The following CXCL13 variants were observed in gnomAD, a reference collection of about 807,000 sequenced individuals.
CXCL13 encodes C-X-C motif chemokine 13.
A neutral mutation model predicts 12.2 loss-of-function variants in CXCL13; 7 were observed. The observed-to-expected ratio is 0.57, with a 90% CI of 0.33 to 1.07. CXCL13 has a LOEUF of 1.07. Among genes scored for constraint, CXCL13 ranks in the 50% least tolerant of loss-of-function variants. CXCL13 has a pLI of 0.04. For missense variants in CXCL13, 113 were observed against 127.4 expected (o/e 0.89, Z 0.55); for synonymous variants, 47 against 42.4 (o/e 1.11, Z -0.42).
chr4:77,544,380 C>T (rs1275346835), intron 1 of CXCL13, among the ~76,000 whole-genome samples: 1 of 152,148 alleles, frequency 6.6e-6, no homozygotes, highest in Non-Finnish European at 1.5e-5. Context: ...AAAAGTGTTC[C>T]TATTTCTCCA....
intron 1 of CXCL13, among the ~76,000 whole-genome samples, chr4:77,547,520 T>G (rs933284148): frequency 4.6e-5 from 7 of 152,206 alleles, no homozygotes; most frequent in African/African-American, 7.2e-5. Flanking sequence ...CTTTGTTGGT[T>G]TAAAGTCTGT....
At chr4:77,573,511 G>A (rs1726141669) in intron 1 of CXCL13, among the ~76,000 whole-genome samples, 1 of 151,388 alleles carries the variant, frequency 6.6e-6, no homozygotes, top group Non-Finnish European at 1.5e-5. Flanking sequence ...AATTAAAGAA[G>A]TCCAAGCATT....
chr4:77,584,796 G>C (rs934134184), intron 1 of CXCL13, among the ~76,000 whole-genome samples: 3 of 152,186 alleles, frequency 2.0e-5, no homozygotes, highest in African/African-American at 4.8e-5. Flanking sequence ...CGAGTGCTGG[G>C]AGAAAAGTTG....
At chr4:77,610,519 G>T in intron 2 of CXCL13, 95 bp from the exon 3 acceptor site, 2 of 997,632 alleles carry the variant, frequency 2.0e-6, no homozygotes, top group South Asian at 1.4e-5. Flanking sequence ...CTTCATCTAG[G>T]AATAATTATT....
At chr4:77,572,646 T>C (rs1726115343) in intron 1 of CXCL13, among the ~76,000 whole-genome samples, 1 of 151,854 alleles carries the variant, frequency 6.6e-6, no homozygotes, top group Admixed American at 6.6e-5. Context: ...TTAGGATAAA[T>C]TAGTTCAACC....
At chr4:77,565,909 A>C (rs1268419507) in intron 1 of CXCL13, among the ~76,000 whole-genome samples, 5 of 152,244 alleles carry the variant, frequency 3.3e-5, no homozygotes, top group Non-Finnish European at 7.3e-5. Flanking sequence ...AAGATGATAT[A>C]ATAGCTACAC....
chr4:77,549,199 G>A (rs1198669842), intron 1 of CXCL13, among the ~76,000 whole-genome samples: 7 of 152,108 alleles, frequency 4.6e-5, no homozygotes, highest in Non-Finnish European at 8.8e-5. Flanking sequence ...GGTCATTTAA[G>A]GTCTTCTCTA....
chr4:77,513,140 A>G (rs576937131), intron 1 of CXCL13, among the ~76,000 whole-genome samples: 4 of 152,080 alleles, frequency 2.6e-5, no homozygotes, highest in Admixed American at 1.3e-4. Flanking sequence ...CATATACACC[A>G]TGGTATTCCA....
At position 77,551,720 on chromosome 4, in the gene CXCL13, T is replaced by C. The variant is rs1578050097; in HGVS notation, c.-43+39932T>C. Among the ~76,000 whole-genome samples the C allele has an allele frequency of 2.6e-5, 4 of 152,338 alleles. No homozygotes were observed. The East Asian group carries it at 5.8e-4, about 22-fold the overall frequency. On this transcript the variant is annotated intron_variant, in intron 1 of 4. Coordinates refer to the CXCL13 transcript ENST00000286758. ...TTTTTTTCCATTTCTCTCAGGAATG[T>C]CAATAATTCATAAGCTTGGTTGCTA...
At chr4:77,574,458 T>G (rs1241546137) in intron 1 of CXCL13, among the ~76,000 whole-genome samples, 2 of 151,964 alleles carry the variant, frequency 1.3e-5, no homozygotes, top group African/African-American at 4.9e-5. Flanking sequence ...GAAATTACTT[T>G]GCATTATGAG....
At chr4:77,520,096 C>T (rs1289996203) in intron 1 of CXCL13, among the ~76,000 whole-genome samples, 4 of 152,248 alleles carry the variant, frequency 2.6e-5, no homozygotes, top group Non-Finnish European at 5.9e-5. Flanking sequence ...GTACCAGTAC[C>T]ATGCTGTTTT....
chr4:77,593,365 C>A (rs1175771489), intron 1 of CXCL13, among the ~76,000 whole-genome samples: 2 of 152,210 alleles, frequency 1.3e-5, no homozygotes, highest in Non-Finnish European at 2.9e-5. Flanking sequence ...ATCACATCAT[C>A]TCCCATATGT....
chr4:77,516,078 G>A lies in CXCL13; in HGVS notation c.-43+4290G>A, dbSNP rs147510764. Among the ~76,000 whole-genome samples, 699 of 152,232 alleles carry A rather than the reference G, an allele frequency of 4.6e-3. 16 individuals carry two copies. The highest frequency in any genetic ancestry group is 0.026 in the East Asian group (134 of 5,182). ...CTATTGAGATAATCATGTGGTTTTC[G>A]TCTTTGGTTCTGTTTATATGCTGGA... On this transcript the variant is annotated intron_variant, in intron 1 of 4. Transcript: ENST00000286758.
At chr4:77,608,380 C>A (rs1176153157) in intron 2 of CXCL13, among the ~76,000 whole-genome samples, 1 of 151,024 alleles carries the variant, frequency 6.6e-6, no homozygotes, top group Admixed American at 6.6e-5. Flanking sequence ...GCGGAGGTTG[C>A]GGTGAGCCGA....
chr4:77,530,925 T>C (rs531075703), intron 1 of CXCL13, among the ~76,000 whole-genome samples: 63 of 152,074 alleles, frequency 4.1e-4, no homozygotes, highest in African/African-American at 1.4e-3. Context: ...GCTATAAATT[T>C]CCCTCTACAC....
chr4:77,516,945 G>A (rs1309595659), intron 1 of CXCL13, among the ~76,000 whole-genome samples: 2 of 151,970 alleles, frequency 1.3e-5, no homozygotes, highest in Non-Finnish European at 2.9e-5. Context: ...TGGGCATTTA[G>A]TGCTATAAAT....
At chr4:77,603,204 A>G (rs1726930053), upstream of CXCL13, among the ~76,000 whole-genome samples, 1 of 152,220 alleles carries the variant, frequency 6.6e-6, no homozygotes, top group South Asian at 2.1e-4. Context: ...TTAGAGGTAA[A>G]TGTAAAACTT....
At chr4:77,553,066 G>A (rs1015423264) in intron 1 of CXCL13, among the ~76,000 whole-genome samples, 2 of 152,122 alleles carry the variant, frequency 1.3e-5, no homozygotes, top group Admixed American at 6.5e-5. Flanking sequence ...GTGGAAAGGG[G>A]CCCTACTGCA....
At chr4:77,512,654 T>TC (rs1724303934) in intron 1 of CXCL13, among the ~76,000 whole-genome samples, 1 of 152,168 alleles carries the variant, frequency 6.6e-6, no homozygotes, top group Admixed American at 6.6e-5. Flanking sequence ...CTTAATTGCC[T>TC]CTTTAAAAAC....
Sources: allele counts gnomAD v4.1 joint callset (sites outside exome capture counted in the v4.1 genomes callset), GRCh38; gene constraint gnomAD v4.1.1; transcripts MANE v1.5; gene names NCBI Gene and HGNC (gene_info 2026-07-23, HGNC 2026-07-21).